The following YAF2 variants were observed in gnomAD, a reference collection of about 807,000 sequenced individuals.
YAF2 encodes the protein YY1 associated factor 2.
YAF2 carries 7 observed loss-of-function variants against 20.1 expected under a neutral mutation model. The observed-to-expected ratio is 0.35, with a 90% CI of 0.20 to 0.65. YAF2 has a LOEUF of 0.65. Among genes scored for constraint, YAF2 ranks in the 30% least tolerant of loss-of-function variants. The probability of loss-of-function intolerance (pLI) is 0.69; values close to 1 mark genes in which losing one functional copy is unlikely to be tolerated. For missense variants in YAF2, 151 were observed against 219.2 expected (o/e 0.69, Z 1.96); for synonymous variants, 74 against 76.0 (o/e 0.97, Z 0.14).
chr12:42,233,794 T>C lies in YAF2; in HGVS notation c.152+3805A>G, dbSNP rs1252856688. ...TCCCAAGGTGCTGGGCTTACAGGTG[T>C]GGGCCACTGGGCCAGCCAAGAATGA... On this transcript the variant is annotated intron_variant, in intron 2 of 3. Transcript: ENST00000534854. 3 of 985,336 alleles carry C rather than the reference T, an allele frequency of 3.0e-6. No homozygotes were observed. The African/African-American group carries it at 5.2e-5, about 17-fold the overall frequency. 61.0% of individuals were successfully genotyped at this position (985,336 alleles called of 1,614,324 possible).
chr12:42,184,960 A>C (rs1029357937), intron 2 of YAF2, among the ~76,000 whole-genome samples: 58 of 152,304 alleles, frequency 3.8e-4, no homozygotes, highest in African/African-American at 1.3e-3. Flanking sequence ...CAGATCACTT[A>C]AGCTCACAAG....
chr12:42,208,424 T>C (rs973303221), intron 2 of YAF2, among the ~76,000 whole-genome samples: 1 of 152,064 alleles, frequency 6.6e-6, no homozygotes, highest in Non-Finnish European at 1.5e-5. Flanking sequence ...AGACTCTGTC[T>C]CACTTTATTT....
At chr12:42,218,851 T>TAG (rs1027851648) in intron 2 of YAF2, among the ~76,000 whole-genome samples, 4 of 152,070 alleles carry the variant, frequency 2.6e-5, no homozygotes, top group African/African-American at 9.7e-5. Flanking sequence ...CAAATGTGTC[T>TAG]AAGAAGATGA....
intron 2 of YAF2, among the ~76,000 whole-genome samples, chr12:42,167,071 T>C (rs1213344723): frequency 2.0e-5 from 3 of 148,206 alleles, no homozygotes; most frequent in African/African-American, 7.5e-5. Flanking sequence ...TTCTCATTCA[T>C]AAGTAGGAGC....
rs1458742371 is a variant in YAF2 at position 42,160,832 on chromosome 12, C to T, written c.306-6G>A. On this transcript the variant is annotated splice_polypyrimidine_tract_variant and splice_region_variant and intron_variant, in intron 3 of 3. Transcript: ENST00000534854. ...CCACATTTTTCAATCTTGGCCTAAA[C>T]ATAAAAAAATGAAATTTTAAACTAG... 5 of 1,584,984 alleles carry T rather than the reference C, an allele frequency of 3.2e-6. No individual in the cohort carries two copies. In the South Asian group the frequency reaches 5.8e-5, roughly 18 times the overall value.
chr12:42,180,862 C>T (rs1381741237), intron 2 of YAF2, among the ~76,000 whole-genome samples: 6 of 152,104 alleles, frequency 3.9e-5, no homozygotes, highest in Admixed American at 3.3e-4. Context: ...GCATGAGAAT[C>T]GCTTGAATCC....
At chr12:42,196,608 G>A (rs943779495) in intron 2 of YAF2, among the ~76,000 whole-genome samples, 6 of 152,132 alleles carry the variant, frequency 3.9e-5, no homozygotes, top group Admixed American at 1.3e-4. Flanking sequence ...GAATAAAGAG[G>A]ACCAGGGGTA....
Position 42,189,217 on chromosome 12 carries a change from C to G in YAF2, c.153-27452G>C, listed in dbSNP as rs192788946. On this transcript the variant is annotated intron_variant, in intron 2 of 3. Coordinates refer to ENST00000534854, the MANE Select transcript of YAF2 (RefSeq NM_005748.6). Reference sequence around the variant, plus strand: ...AGAAAACCTGCTAGTAAATAATCAACTACAACTGCATACTCAGATTATAAC... The same window carrying G: ...AGAAAACCTGCTAGTAAATAATCAAGTACAACTGCATACTCAGATTATAAC... Among the ~76,000 whole-genome samples, 5 of 152,216 alleles carry G rather than the reference C, an allele frequency of 3.3e-5. No homozygotes were observed. In the East Asian group the frequency reaches 9.6e-4, roughly 29 times the overall value.
chr12:42,222,270 A>G (rs1281726060), intron 2 of YAF2, among the ~76,000 whole-genome samples: 2 of 152,240 alleles, frequency 1.3e-5, no homozygotes, highest in Admixed American at 6.5e-5. Context: ...TGAAAACTTG[A>G]TATTCCACAG....
chr12:42,221,956 A>G (rs2067530060), intron 2 of YAF2, among the ~76,000 whole-genome samples: 4 of 152,214 alleles, frequency 2.6e-5, no homozygotes. Context: ...GGATGTGACT[A>G]AACACTCTAG....
At chr12:42,231,213 C>T (rs1359548456) in intron 2 of YAF2, 1 of 151,962 alleles carries the variant, frequency 6.6e-6, no homozygotes, top group Non-Finnish European at 1.5e-5. Context: ...AAAATAAATA[C>T]ATCACATATT....
chr12:42,192,616 A>G (rs546133838), intron 2 of YAF2, among the ~76,000 whole-genome samples: 24 of 152,228 alleles, frequency 1.6e-4, no homozygotes, highest in Non-Finnish European at 3.2e-4. Flanking sequence ...TTTAATTTTT[A>G]AAACACATAT....
rs774573516 is a variant in YAF2 at position 42,233,364 on chromosome 12, T to C, written c.152+4235A>G. The stretch of plus-strand genomic sequence containing the variant: ...TTCTATCATTTTCATTTCTAAATAT[T>C]TGCTATCTGAATTAAGCAATATTAA... On this transcript the variant is annotated intron_variant, in intron 2 of 3. Transcript: ENST00000534854. The C allele has an allele frequency of 4.8e-4, 470 of 985,234 alleles. 2 individuals are homozygous for C. Among genetic ancestry groups the C allele is most frequent in the Non-Finnish European group, 5.3e-4 (438 of 829,760 alleles). 61.0% of individuals were successfully genotyped at this position (985,234 alleles called of 1,614,324 possible).
intron 2 of YAF2, among the ~76,000 whole-genome samples, chr12:42,180,672 G>A (rs2066319538): frequency 1.3e-5 from 2 of 152,290 alleles, no homozygotes; most frequent in South Asian, 4.1e-4. Context: ...TTGAGGCCAG[G>A]CACAGGTGGC....
At chr12:42,205,420 G>T (rs1283406291) in intron 2 of YAF2, among the ~76,000 whole-genome samples, 4 of 149,960 alleles carry the variant, frequency 2.7e-5, no homozygotes, top group South Asian at 2.1e-4. Flanking sequence ...CTGTCACCCA[G>T]GCTGGAGTGC....
At chr12:42,235,782 C>A in intron 2 of YAF2, 1 of 1,535,570 alleles carries the variant, frequency 6.5e-7, no homozygotes, top group Non-Finnish European at 8.7e-7. Context: ...ATGTCAGGGG[C>A]CCCCATGTGG....
intron 2 of YAF2, among the ~76,000 whole-genome samples, chr12:42,191,520 G>A (rs2066611884): frequency 6.6e-6 from 1 of 152,064 alleles, no homozygotes; most frequent in Non-Finnish European, 1.5e-5. Context: ...TTGCTTAATA[G>A]CTAAGCTATA....
chr12:42,181,479 T>C (rs1261241407), intron 2 of YAF2, among the ~76,000 whole-genome samples: 3 of 152,218 alleles, frequency 2.0e-5, no homozygotes, highest in Non-Finnish European at 2.9e-5. Context: ...CTGTGGCTCT[T>C]TGAATAACTG....
chr12:42,227,989 G>T (rs1428875823), intron 2 of YAF2, among the ~76,000 whole-genome samples: 1 of 133,704 alleles, frequency 7.5e-6, no homozygotes, highest in African/African-American at 2.9e-5. Flanking sequence ...TCAGCCCCCC[G>T]CCTGGCCAGC....
Sources: gnomAD v4.1 joint callset for allele counts (sites outside exome capture counted in the v4.1 genomes callset) on GRCh38, gnomAD v4.1.1 for gene constraint, MANE v1.5 for transcripts, NCBI Gene and HGNC (gene_info 2026-07-23, HGNC 2026-07-21) for gene names.